The following LRRK1 variants were observed in gnomAD, a reference collection of about 807,000 sequenced individuals.
The protein encoded by LRRK1 is leucine rich repeat kinase 1.
In LRRK1, 113 loss-of-function variants were observed where a neutral mutation model predicts 209.1. That is an observed-to-expected ratio of 0.54 (90% CI 0.46 to 0.63). The LOEUF (loss-of-function observed/expected upper bound fraction) is 0.63, where lower values mean the gene tolerates loss of function less well. Ranked by LOEUF, LRRK1 falls within the 30% of genes least tolerant of loss-of-function variation. The pLI is 0.00. For missense variants in LRRK1, 2,284 were observed against 2,632.2 expected (o/e 0.87, Z 2.89); for synonymous variants, 1,144 against 1,099.7 (o/e 1.04, Z -0.80).
At position 100,966,228 on chromosome 15, in the gene LRRK1, A is replaced by G. The variant is rs367940421; in HGVS notation, c.98-7576A>G. On this transcript the variant is annotated intron_variant, in intron 2 of 33. Transcript: ENST00000388948. Reference sequence around the variant, plus strand: ...AAATGACTAAATAAGTATTATCTCTAGGAAAAGGTGCAGAAGTTCTAAATT... The same window carrying G: ...AAATGACTAAATAAGTATTATCTCTGGGAAAAGGTGCAGAAGTTCTAAATT... 1.6e-4 allele frequency among the ~76,000 whole-genome samples: 25 copies of G among 152,360 alleles called. 2 individuals are homozygous for G. Among genetic ancestry groups the G allele is most frequent in the Admixed American group, 7.8e-4 (12 of 15,308 alleles).
intron 2 of LRRK1, among the ~76,000 whole-genome samples, chr15:100,926,512 A>C (rs1269134158): frequency 6.9e-6 from 1 of 145,562 alleles, no homozygotes; most frequent in African/African-American, 2.5e-5. Context: ...AGTGCTTCTC[A>C]ACCACGGCCC....
At chr15:100,947,435 G>C (rs1477334384) in intron 2 of LRRK1, among the ~76,000 whole-genome samples, 4 of 152,252 alleles carry the variant, frequency 2.6e-5, no homozygotes, top group East Asian at 1.9e-4. Flanking sequence ...AAATCAGAAA[G>C]TTTGGTATTA....
At chr15:101,029,633 C>T (rs1302046386) in intron 20 of LRRK1, among the ~76,000 whole-genome samples, 4 of 152,056 alleles carry the variant, frequency 2.6e-5, no homozygotes, top group South Asian at 2.1e-4. Context: ...TTTGGGAGGC[C>T]GAGGTGGCCA....
intron 30 of LRRK1, among the ~76,000 whole-genome samples, chr15:101,061,911 G>A (rs925716632): frequency 1.3e-5 from 2 of 152,242 alleles, no homozygotes; most frequent in Non-Finnish European, 2.9e-5. Flanking sequence ...AGGAGGCTGA[G>A]GCAGGAGAAT....
intron 2 of LRRK1, among the ~76,000 whole-genome samples, chr15:100,949,813 C>T (rs777599648): frequency 4.6e-5 from 7 of 152,000 alleles, no homozygotes; most frequent in Non-Finnish European, 8.8e-5. Context: ...AATTCACTAC[C>T]CTTTGATGAG....
chr15:100,993,538 G>A (rs1474876167), intron 6 of LRRK1, among the ~76,000 whole-genome samples: 1 of 152,140 alleles, frequency 6.6e-6, no homozygotes, highest in Non-Finnish European at 1.5e-5. Flanking sequence ...CCTTAATCCT[G>A]TTGATGTCTC....
chr15:101,019,226 C>T (rs960431316), intron 12 of LRRK1, among the ~76,000 whole-genome samples: 2 of 152,156 alleles, frequency 1.3e-5, no homozygotes, highest in Admixed American at 1.3e-4. Context: ...GCTTCATAAA[C>T]ACCGTAGCGA....
intron 12 of LRRK1, among the ~76,000 whole-genome samples, chr15:101,020,779 T>C (rs115164939): frequency 8.9e-4 from 136 of 152,352 alleles, no homozygotes; most frequent in African/African-American, 2.8e-3. Context: ...CTATTACTCA[T>C]TGAACCAACC....
At chr15:100,922,720 T>A (rs528000720) in intron 1 of LRRK1, among the ~76,000 whole-genome samples, 1 of 152,326 alleles carries the variant, frequency 6.6e-6, no homozygotes, top group South Asian at 2.1e-4. Flanking sequence ...GCTTTCATCA[T>A]CCCCTAAATT....
In LRRK1 at chr15:101,058,078, C is replaced by T. The variant is rs2035917156; in HGVS notation, c.4616C>T (p.Ala1539Val). ...GAACTGTGCTGTGGGAAGCAGACAG[C>T]CTTCTTCTCATCCCAGGGCCAGGAG... ...MYELCCGKQT[A>V]FFSSQGQEYT... The change falls in exon 29 of 34, where the codon GCC (alanine) becomes GTC (valine). Residue 1539 changes from alanine to valine, a missense_variant. Coordinates refer to ENST00000388948, the MANE Select transcript of LRRK1 (RefSeq NM_024652.6). The T allele has an allele frequency of 6.2e-7, 1 of 1,614,146 alleles. No individual in the cohort carries two copies. Among genetic ancestry groups the T allele is most frequent in the Non-Finnish European group, 8.5e-7 (1 of 1,180,014 alleles).
At chr15:100,939,532 T>A (rs1206180869) in intron 2 of LRRK1, among the ~76,000 whole-genome samples, 1 of 152,254 alleles carries the variant, frequency 6.6e-6, no homozygotes, top group Non-Finnish European at 1.5e-5. Flanking sequence ...TAGAGTTTTT[T>A]AATGATTTTC....
chr15:100,946,193 C>T (rs556085771), intron 2 of LRRK1, among the ~76,000 whole-genome samples: 14 of 152,138 alleles, frequency 9.2e-5, no homozygotes, highest in Non-Finnish European at 1.9e-4. Flanking sequence ...TCATTTAATG[C>T]ATTCTCAATT....
chr15:100,948,358 G>A (rs1036099782), intron 2 of LRRK1, among the ~76,000 whole-genome samples: 51 of 152,148 alleles, frequency 3.4e-4, no homozygotes, highest in African/African-American at 1.2e-3. Context: ...TTTCGTCCCC[G>A]CCGTTTGAAT....
chr15:100,932,167 G>A (rs1258161116), intron 2 of LRRK1, among the ~76,000 whole-genome samples: 1 of 152,146 alleles, frequency 6.6e-6, no homozygotes, highest in Non-Finnish European at 1.5e-5. Flanking sequence ...TGTATTTTTA[G>A]TAGAGATGGT....
At chr15:100,937,283 G>T (rs1285755207) in intron 2 of LRRK1, among the ~76,000 whole-genome samples, 2 of 151,850 alleles carry the variant, frequency 1.3e-5, no homozygotes, top group African/African-American at 2.4e-5. Flanking sequence ...AGTACAAAAG[G>T]GAATACAATA....
In LRRK1 at chr15:101,077,771, A is replaced by G. The variant is rs975065029; in HGVS notation, c.*8923A>G. 3.3e-5 allele frequency: 5 copies of G among 151,598 alleles called. No individual in the cohort carries two copies. The highest frequency in any genetic ancestry group is 5.9e-5 in the Non-Finnish European group (4 of 67,910). 9.4% of individuals were successfully genotyped at this position (151,598 alleles called of 1,614,324 possible). A position where few individuals can be genotyped will look rare whatever the true frequency, so the allele number is the denominator to read the frequency against. On this transcript the variant is annotated 3_prime_UTR_variant, in exon 34 of 34. Coordinates refer to ENST00000388948, the MANE Select transcript of LRRK1 (RefSeq NM_024652.6). ...TCTCTCTCCACACCGCCCCCCAAAA[A>G]TTTTCGCTGCCCCAACACTTCGACA...
rs147776611 is a variant in LRRK1 at position 101,069,502 on chromosome 15, A to C, written c.*654A>C. 5.9e-5 allele frequency: 9 copies of C among 152,720 alleles called. No homozygotes were observed. The highest frequency in any genetic ancestry group is 2.2e-4 in the African/African-American group (9 of 41,574). The allele number at this position is 152,720 out of a possible 1,614,324, so 9.5% of individuals were successfully genotyped here. On this transcript the variant is annotated 3_prime_UTR_variant, in exon 34 of 34. Transcript: ENST00000388948. ...GTTCCTTTAAGTGCCACCGCCAGCA[A>C]GCCCAGAGGCACACAGTCCGAGTGC... is the stretch of plus-strand genomic sequence containing the variant.
Position 101,052,986 on chromosome 15 carries a change from G to T in LRRK1, c.3754G>T (p.Gly1252Cys). The change falls in exon 25 of 34, where the codon GGC (glycine) becomes TGC (cysteine). Residue 1252 changes from glycine to cysteine, a missense_variant. Transcript: ENST00000388948. Reference protein sequence around the residue: ...EDEGSVLGQGGSGTVIYRARY... With the variant: ...EDEGSVLGQGCSGTVIYRARY... ...CGAGGGCAGCGTCCTGGGCCAGGGC[G>T]GCAGTGGCACCGTCATCTACCGGGC... 1 of 1,613,036 alleles carries T rather than the reference G, an allele frequency of 6.2e-7. No homozygotes were observed. The highest frequency in any genetic ancestry group is 8.5e-7 in the Non-Finnish European group (1 of 1,179,520).
At chr15:100,962,045 C>T (rs972715798) in intron 2 of LRRK1, among the ~76,000 whole-genome samples, 11 of 152,170 alleles carry the variant, frequency 7.2e-5, no homozygotes, top group East Asian at 1.9e-4. Context: ...AGTCAAGATT[C>T]GGTAGATTGA....
Sources: allele counts gnomAD v4.1 joint callset (sites outside exome capture counted in the v4.1 genomes callset), GRCh38; gene constraint gnomAD v4.1.1; transcripts MANE v1.5; gene names NCBI Gene and HGNC (gene_info 2026-07-23, HGNC 2026-07-21).